The following USP7 variants were observed in gnomAD, a reference collection of about 807,000 sequenced individuals.
USP7 encodes the protein ubiquitin specific peptidase 7.
A neutral mutation model predicts 162.9 loss-of-function variants in USP7; 9 were observed. The observed-to-expected ratio is 0.06, with a 90% CI of 0.03 to 0.10. The LOEUF (loss-of-function observed/expected upper bound fraction) is 0.10. Among genes scored for constraint, USP7 ranks in the 10% least tolerant of loss-of-function variants. The pLI is 1.00. For synonymous variants in USP7, 562 were observed against 475.9 expected, an observed-to-expected ratio of 1.18 and a Z score of -2.35; for missense variants, 715 against 1,373.7, an observed-to-expected ratio of 0.52 and a Z score of 7.58.
chr16:8,932,213 C>T (rs997615196), intron 1 of USP7, among the ~76,000 whole-genome samples: 4 of 152,198 alleles, frequency 2.6e-5, no homozygotes, highest in Admixed American at 2.6e-4. Context: ...ACGTTTAAGA[C>T]ATTAAAGATC....
At position 8,906,459 on chromosome 16, in the gene USP7, A is replaced by G. The variant is rs1315580334; in HGVS notation, c.1395T>C (p.Tyr465=). ...VHSGDNHGGH[Y]VVYLNPKGDG... is the part of the protein sequence containing the mutation. ...CCCCTTTGGGGTTTAGATAAACCAC[A>G]TAATGTCCACCATGATTATCTCCAC... The change falls in exon 13 of 31, where the codon TAT becomes TAC. Residue 465 remains tyrosine, a synonymous_variant. Transcript: ENST00000344836. 1.2e-5 allele frequency: 19 copies of G among 1,612,296 alleles called. No homozygotes were observed. Among genetic ancestry groups the G allele is most frequent in the African/African-American group, 2.7e-5 (2 of 74,884 alleles).
chr16:8,963,893 C>G lies in USP7; in HGVS notation c.-608G>C, dbSNP rs1446476997. Among the ~76,000 whole-genome samples, 2 of 146,750 alleles carry G rather than the reference C, an allele frequency of 1.4e-5. No individual in the cohort carries two copies. Among genetic ancestry groups the G allele is most frequent in the Non-Finnish European group, 3.0e-5 (2 of 65,854 alleles). ...GCTCGGCTCGCTCTCAAAATGGCGGCGGCGTGAAATGTCACATCCGCATGG... is the reference window on the plus strand; with the variant it reads ...GCTCGGCTCGCTCTCAAAATGGCGGGGGCGTGAAATGTCACATCCGCATGG... On this transcript the variant is annotated 5_prime_UTR_variant, in exon 1 of 31. Transcript: ENST00000344836.
chr16:8,918,979 TGAG>T lies in USP7; in HGVS notation c.720+49_720+51del. Reference sequence around the variant, plus strand: ...TGAGAGGACTTTGCTCTGATATACCTGAGAAGAAAGGGTGAGCGGAAGGCTGCA... The same window carrying T: ...TGAGAGGACTTTGCTCTGATATACCTAAGAAAGGGTGAGCGGAAGGCTGCA... On this transcript the variant is annotated intron_variant, in intron 6 of 30. Transcript: ENST00000344836. The T allele has an allele frequency of 5.0e-6, 8 of 1,587,268 alleles. No individual in the cohort carries two copies. In the South Asian group the frequency reaches 7.7e-5, roughly 15 times the overall value.
Position 8,916,969 on chromosome 16 carries a change from T to TAAAA in USP7, c.851+53_851+56dup, listed in dbSNP as rs34357840. Reference sequence around the variant, plus strand: ...TTTTCTATTCTCTACTCACTTGTCCTAAAAAAAAAAAAAAAAAGAGGAAGC... The same window carrying TAAAA: ...TTTTCTATTCTCTACTCACTTGTCCTAAAAAAAAAAAAAAAAAAAAAGAGGAAGC... On this transcript the variant is annotated intron_variant, in intron 7 of 30. Coordinates refer to ENST00000344836, the MANE Select transcript of USP7 (RefSeq NM_003470.3). The TAAAA allele has an allele frequency of 2.5e-3, 3,293 of 1,291,806 alleles. 5 individuals carry two copies. Among genetic ancestry groups the TAAAA allele is most frequent in the South Asian group, 3.2e-3 (162 of 50,942 alleles). 80.0% of individuals were successfully genotyped at this position (1,291,806 alleles called of 1,614,324 possible). A position where few individuals can be genotyped will look rare whatever the true frequency, so the allele number is the denominator to read the frequency against.
At position 8,897,698 on chromosome 16, in the gene USP7, CAAA is replaced by C. The variant is rs55635828; in HGVS notation, c.2719-602_2719-600del. Reference sequence around the variant, plus strand: ...GCAATATAGTGAGACCCTGTCTCTACAAAAAAAAAAAAAAAAAAAAAAAAAAAA... The same window carrying C: ...GCAATATAGTGAGACCCTGTCTCTACAAAAAAAAAAAAAAAAAAAAAAAAA... On this transcript the variant is annotated intron_variant, in intron 25 of 30. Transcript: ENST00000344836. Among the ~76,000 whole-genome samples the C allele has an allele frequency of 6.7e-4, 24 of 35,600 alleles. 5 individuals carry two copies. Among genetic ancestry groups the C allele is most frequent in the Admixed American group, 1.2e-3 (2 of 1,622 alleles). 23.4% of individuals were successfully genotyped at this position (35,600 alleles called of 152,430 possible).
At chr16:8,912,082 G>C (rs141788616) in intron 10 of USP7, among the ~76,000 whole-genome samples, 1 of 152,304 alleles carries the variant, frequency 6.6e-6, no homozygotes. Context: ...GTGCATAAGA[G>C]CAAAGGTTAG....
At chr16:8,959,506 G>C (rs182010819) in intron 1 of USP7, among the ~76,000 whole-genome samples, 4 of 152,124 alleles carry the variant, frequency 2.6e-5, no homozygotes, top group Admixed American at 6.5e-5. Context: ...AAAACCTGAC[G>C]TGCTCACATC....
intron 2 of USP7, 96 bp downstream of exon 2, chr16:8,930,197 A>G: frequency 1.1e-6 from 1 of 916,130 alleles, no homozygotes; most frequent in Non-Finnish European, 1.7e-6. Context: ...GCTCAGAAGT[A>G]CCCAAGGATG....
chr16:8,962,521 G>A (rs553878758), intron 1 of USP7: 73 of 449,838 alleles, frequency 1.6e-4, no homozygotes, highest in Non-Finnish European at 2.9e-4. Context: ...ATGTGCGGCA[G>A]GGCTTTCGCA....
intron 15 of USP7, 128 bp from the exon 16 acceptor site, chr16:8,903,530 C>G: frequency 8.3e-7 from 1 of 1,203,738 alleles, no homozygotes; most frequent in Non-Finnish European, 1.1e-6. Flanking sequence ...TTCAGAAGAC[C>G]AATGAAGAAA....
intron 11 of USP7, among the ~76,000 whole-genome samples, chr16:8,910,086 A>G (rs1239853582): frequency 6.6e-6 from 1 of 152,206 alleles, no homozygotes; most frequent in Non-Finnish European, 1.5e-5. Flanking sequence ...GGCCAGACTG[A>G]CATTTTTAAT....
At chr16:8,914,866 C>A (rs924362356) in intron 10 of USP7, among the ~76,000 whole-genome samples, 3 of 152,330 alleles carry the variant, frequency 2.0e-5, no homozygotes, top group South Asian at 4.1e-4. Context: ...CTGCACTGAG[C>A]TATGGTTGCA....
chr16:8,896,969 C>G (rs769442923), intron 26 of USP7, 30 bp downstream of exon 26: 1 of 1,558,948 alleles, frequency 6.4e-7, no homozygotes. Flanking sequence ...CCTAACTGAA[C>G]GTCCACAATT....
intron 11 of USP7, among the ~76,000 whole-genome samples, chr16:8,910,492 G>T (rs2061929383): frequency 6.6e-6 from 1 of 152,184 alleles, no homozygotes; most frequent in Admixed American, 6.5e-5. Context: ...AACGGGGAAA[G>T]GACAAGATGC....
At chr16:8,897,149 C>T in intron 25 of USP7, 50 bp from the exon 26 acceptor site, 1 of 1,387,418 alleles carries the variant, frequency 7.2e-7, no homozygotes, top group Non-Finnish European at 1.0e-6. Context: ...CATAAAAGGT[C>T]TGCTACCACA....
intron 11 of USP7, among the ~76,000 whole-genome samples, chr16:8,909,153 T>A (rs898721063): frequency 6.6e-6 from 1 of 152,240 alleles, no homozygotes; most frequent in Non-Finnish European, 1.5e-5. Flanking sequence ...CCCTGCTCTA[T>A]CACTGCTCCA....
chr16:8,933,912 C>T (rs1057010304), intron 1 of USP7, among the ~76,000 whole-genome samples: 6 of 152,054 alleles, frequency 3.9e-5, no homozygotes, highest in Non-Finnish European at 5.9e-5. Context: ...TGTGCCACCA[C>T]GCCCAGCTAA....
intron 2 of USP7, among the ~76,000 whole-genome samples, chr16:8,928,907 G>T (rs1380721487): frequency 6.6e-6 from 1 of 152,028 alleles, no homozygotes; most frequent in Non-Finnish European, 1.5e-5. Context: ...GACATGTCAT[G>T]ACCGCAAGTG....
At chr16:8,924,121 A>C (rs1244684120) in intron 2 of USP7, among the ~76,000 whole-genome samples, 2 of 152,226 alleles carry the variant, frequency 1.3e-5, no homozygotes, top group Non-Finnish European at 2.9e-5. Context: ...AGTGCCTCTT[A>C]GCAGAGGTCC....
Sources: gnomAD v4.1 joint callset for allele counts (sites outside exome capture counted in the v4.1 genomes callset) on GRCh38, gnomAD v4.1.1 for gene constraint, MANE v1.5 for transcripts, NCBI Gene and HGNC (gene_info 2026-07-23, HGNC 2026-07-21) for gene names.